The following CERS6 variants were observed in gnomAD, a reference collection of about 807,000 sequenced individuals.
CERS6 encodes LAG1 homolog, ceramide synthase 6.
Under a neutral mutation model 56.8 loss-of-function variants are expected in CERS6, and 26 were observed. The ratio of observed to expected loss-of-function variants is 0.46; its 90% CI spans 0.34 to 0.63. CERS6 has a LOEUF of 0.63. Among genes scored for constraint, CERS6 ranks in the 30% least tolerant of loss-of-function variants. The probability of loss-of-function intolerance (pLI) is 0.01; values close to 1 mark genes in which losing one functional copy is unlikely to be tolerated. For synonymous variants in CERS6, 164 were observed against 173.3 expected (o/e 0.95, Z 0.42); for missense variants, 415 against 467.5 (o/e 0.89, Z 1.04).
chr2:168,669,258 C>G (rs1480392720), intron 4 of CERS6, among the ~76,000 whole-genome samples: 1 of 152,110 alleles, frequency 6.6e-6, no homozygotes, highest in Non-Finnish European at 1.5e-5. Flanking sequence ...GCCAGCACAT[C>G]AATGAAACAA....
intron 6 of CERS6, among the ~76,000 whole-genome samples, chr2:168,696,154 C>A: frequency 6.6e-6 from 1 of 152,136 alleles, no homozygotes; most frequent in East Asian, 1.9e-4. Flanking sequence ...GACAACAAAT[C>A]AGAGGTCCAG....
chr2:168,656,557 A>G (rs906435234), intron 4 of CERS6, among the ~76,000 whole-genome samples: 6 of 146,622 alleles, frequency 4.1e-5, no homozygotes, highest in South Asian at 2.2e-4. Flanking sequence ...CTCTTAAGGT[A>G]GCGCGTCTGG....
chr2:168,750,547 ACT>A, intron 8 of CERS6, among the ~76,000 whole-genome samples: 1 of 152,246 alleles, frequency 6.6e-6, no homozygotes, highest in Middle Eastern at 3.4e-3. Flanking sequence ...TTAACATTGT[ACT>A]CTCAGCATTT....
intron 1 of CERS6, among the ~76,000 whole-genome samples, chr2:168,530,441 T>C (rs1695146581): frequency 6.6e-6 from 1 of 152,230 alleles, no homozygotes; most frequent in African/African-American, 2.4e-5. Flanking sequence ...ATAGTGGTAA[T>C]ATCTTAAAGA....
intron 1 of CERS6, among the ~76,000 whole-genome samples, chr2:168,542,138 G>C (rs1695384165): frequency 6.6e-6 from 1 of 152,118 alleles, no homozygotes; most frequent in Admixed American, 6.5e-5. Flanking sequence ...TGTTTGGGTG[G>C]AGAGAGTGTG....
intron 5 of CERS6, 70 bp downstream of exon 5, chr2:168,691,154 A>C: frequency 9.7e-6 from 14 of 1,444,962 alleles, no homozygotes; most frequent in Non-Finnish European, 1.4e-5. Context: ...TCATGGTCTC[A>C]GGCAGGCCCC....
chr2:168,531,235 A>C (rs1382788711), intron 1 of CERS6, among the ~76,000 whole-genome samples: 1 of 152,244 alleles, frequency 6.6e-6, no homozygotes, highest in African/African-American at 2.4e-5. Context: ...CATTTCAGCA[A>C]GAAGGAATGA....
intron 1 of CERS6, among the ~76,000 whole-genome samples, chr2:168,460,287 T>C (rs1168012614): frequency 1.3e-5 from 2 of 151,882 alleles, no homozygotes; most frequent in Non-Finnish European, 2.9e-5. Flanking sequence ...CTCCACCTCC[T>C]GGGCTCAAGC....
intron 1 of CERS6, among the ~76,000 whole-genome samples, chr2:168,500,643 G>A (rs1304202837): frequency 6.6e-6 from 1 of 152,092 alleles, no homozygotes; most frequent in African/African-American, 2.4e-5. Context: ...AGGAAGAAAG[G>A]GAAACAAACA....
At chr2:168,677,136 A>C (rs1380074883) in intron 4 of CERS6, among the ~76,000 whole-genome samples, 1 of 151,476 alleles carries the variant, frequency 6.6e-6, no homozygotes, top group East Asian at 1.9e-4. Flanking sequence ...CATCATCTAC[A>C]TTAGGTATTT....
chr2:168,649,088 G>A lies in CERS6; in HGVS notation c.465+18046G>A, dbSNP rs746922202. Among the ~76,000 whole-genome samples the A allele has an allele frequency of 4.6e-5, 7 of 152,136 alleles. 1 individual carries two copies. Among genetic ancestry groups the A allele is most frequent in the African/African-American group, 1.2e-4 (5 of 41,420 alleles). On this transcript the variant is annotated intron_variant, in intron 4 of 9. Coordinates refer to ENST00000305747, the MANE Select transcript of CERS6 (RefSeq NM_203463.3). Reference sequence around the variant, plus strand: ...TACTTTAGTTGTATGGTACTTAGGGGAGAGAAGGAAACTGATTTTAGAGAA... The same window carrying A: ...TACTTTAGTTGTATGGTACTTAGGGAAGAGAAGGAAACTGATTTTAGAGAA...
intron 3 of CERS6, among the ~76,000 whole-genome samples, chr2:168,566,215 G>T (rs1042696290): frequency 6.6e-6 from 1 of 152,120 alleles, no homozygotes; most frequent in Non-Finnish European, 1.5e-5. Context: ...TTGGAAAGAT[G>T]AATCTCCCAT....
chr2:168,594,493 G>C (rs1026054756), intron 3 of CERS6, among the ~76,000 whole-genome samples: 1 of 152,178 alleles, frequency 6.6e-6, no homozygotes, highest in Non-Finnish European at 1.5e-5. Flanking sequence ...ACTGAGGCAG[G>C]AGGATTGGTT....
At chr2:168,652,175 T>A (rs1429541103) in intron 4 of CERS6, among the ~76,000 whole-genome samples, 1 of 152,080 alleles carries the variant, frequency 6.6e-6, no homozygotes, top group Non-Finnish European at 1.5e-5. Flanking sequence ...GCAAACTTAG[T>A]TCAACGAAAT....
chr2:168,557,403 G>A (rs1695704257), intron 2 of CERS6, among the ~76,000 whole-genome samples: 1 of 152,140 alleles, frequency 6.6e-6, no homozygotes, highest in African/African-American at 2.4e-5. Flanking sequence ...TTCCTTGTGT[G>A]ACCATTTGTT....
At chr2:168,546,059 GC>G (rs1251863400) in intron 1 of CERS6, among the ~76,000 whole-genome samples, 1 of 152,178 alleles carries the variant, frequency 6.6e-6, no homozygotes, top group Non-Finnish European at 1.5e-5. Context: ...ATGATGAGGG[GC>G]AAATAACCAC....
intron 3 of CERS6, among the ~76,000 whole-genome samples, chr2:168,579,083 G>C (rs1683346665): frequency 1.3e-5 from 2 of 152,152 alleles, no homozygotes; most frequent in Admixed American, 6.5e-5. Flanking sequence ...TTGCCCAAAA[G>C]AAGAGAGAAT....
At chr2:168,620,500 A>C (rs1487814654) in intron 3 of CERS6, among the ~76,000 whole-genome samples, 1 of 152,172 alleles carries the variant, frequency 6.6e-6, no homozygotes, top group African/African-American at 2.4e-5. Flanking sequence ...TGTTCATGTT[A>C]ATTTAATTTA....
intron 1 of CERS6, among the ~76,000 whole-genome samples, chr2:168,543,427 AAGAC>A (rs1465912268): frequency 6.6e-6 from 1 of 152,148 alleles, no homozygotes; most frequent in Non-Finnish European, 1.5e-5. Context: ...AATGTTATGA[AAGAC>A]AGCCTTTGTG....
Sources: allele counts gnomAD v4.1 joint callset (sites outside exome capture counted in the v4.1 genomes callset), GRCh38; gene constraint gnomAD v4.1.1; transcripts MANE v1.5; gene names NCBI Gene and HGNC (gene_info 2026-07-23, HGNC 2026-07-21).